Variants in LIN28B observed in about 807,000 individuals in gnomAD.
LIN28B encodes the protein lin-28 RNA binding posttranscriptional regulator B, also known as protein lin-28 homolog B.
LIN28B carries 5 observed loss-of-function variants against 21.9 expected under a neutral mutation model. The ratio of observed to expected loss-of-function variants is 0.23; its 90% CI spans 0.12 to 0.48. The LOEUF (loss-of-function observed/expected upper bound fraction) is 0.48. LIN28B is among the 20% of genes least tolerant of loss of function. The pLI, the probability that LIN28B is intolerant of heterozygous loss-of-function variation, is 0.98. For missense variants in LIN28B, 245 were observed against 310.5 expected, an observed-to-expected ratio of 0.79 and a Z score of 1.58; for synonymous variants, 109 against 111.3, an observed-to-expected ratio of 0.98 and a Z score of 0.13.
rs1225701516 is a variant in LIN28B, at chr6:105,045,885, TGTG to T, written c.383+19404_383+19406del. Among the ~76,000 whole-genome samples the T allele has an allele frequency of 4.4e-3, 673 of 152,352 alleles. 25 individuals are homozygous for T. The highest frequency in any genetic ancestry group is 0.04 in the Admixed American group (605 of 15,300). Reference sequence around the variant, plus strand: ...GACTCTCCAAGTGATCAGTATGTAATGTGCTATCTAATAACACCTTTTTGAAAA... The same window carrying T: ...GACTCTCCAAGTGATCAGTATGTAATCTATCTAATAACACCTTTTTGAAAA... On this transcript the variant is annotated intron_variant, in intron 3 of 3. Transcript: ENST00000345080.
intron 2 of LIN28B, among the ~76,000 whole-genome samples, chr6:104,983,832 T>C (rs904057888): frequency 5.3e-5 from 8 of 152,198 alleles, no homozygotes; most frequent in Non-Finnish European, 1.2e-4. Flanking sequence ...CACCTCAGCC[T>C]CCCAAAGTGC....
chr6:104,971,605 A>G (rs1338050500), intron 2 of LIN28B, among the ~76,000 whole-genome samples: 2 of 152,188 alleles, frequency 1.3e-5, no homozygotes, highest in African/African-American at 4.8e-5. Context: ...ACAGTGGGTT[A>G]TCAACCTTTC....
At chr6:105,050,107 T>C (rs1484533433) in intron 3 of LIN28B, among the ~76,000 whole-genome samples, 1 of 152,218 alleles carries the variant, frequency 6.6e-6, no homozygotes, top group Non-Finnish European at 1.5e-5. Flanking sequence ...GAATGGTCTT[T>C]ACAATTTGGC....
intron 3 of LIN28B, among the ~76,000 whole-genome samples, chr6:105,036,305 G>A (rs1006746638): frequency 5.9e-5 from 9 of 152,064 alleles, no homozygotes; most frequent in African/African-American, 2.2e-4. Context: ...CTAAACTATT[G>A]CATCCAAATT....
chr6:104,998,120 A>G (rs955326729), intron 2 of LIN28B, among the ~76,000 whole-genome samples: 1 of 152,216 alleles, frequency 6.6e-6, no homozygotes, highest in African/African-American at 2.4e-5. Context: ...CAAACCATAC[A>G]ATAACAGAAT....
chr6:105,036,969 G>C (rs1771534263), intron 3 of LIN28B, among the ~76,000 whole-genome samples: 1 of 152,034 alleles, frequency 6.6e-6, no homozygotes, highest in Non-Finnish European at 1.5e-5. Context: ...TAAGTATGTA[G>C]ATGTTTAAAT....
At chr6:105,063,585 G>A (rs990130088) in intron 3 of LIN28B, among the ~76,000 whole-genome samples, 21 of 145,824 alleles carry the variant, frequency 1.4e-4, no homozygotes, top group East Asian at 2.2e-4. Context: ...GCAGTGAGCC[G>A]AGATTGCGCC....
intron 2 of LIN28B, chr6:104,950,405 A>G (rs1778207401): frequency 4.4e-6 from 4 of 918,046 alleles, no homozygotes; most frequent in Non-Finnish European, 4.3e-6. Context: ...TAGGATGAAG[A>G]AGAGGCAATT....
intron 2 of LIN28B, among the ~76,000 whole-genome samples, chr6:104,961,567 A>T (rs1582865911): frequency 2.0e-5 from 3 of 151,722 alleles, no homozygotes; most frequent in African/African-American, 7.3e-5. Flanking sequence ...CGCCTAGCTA[A>T]TTTTTTGTAT....
At chr6:104,961,128 A>G (rs1334444819) in intron 2 of LIN28B, among the ~76,000 whole-genome samples, 1 of 152,152 alleles carries the variant, frequency 6.6e-6, no homozygotes, top group Non-Finnish European at 1.5e-5. Flanking sequence ...TGATGTGAAA[A>G]TATATATTCT....
intron 2 of LIN28B, chr6:104,941,106 A>G (rs1173723800): frequency 6.6e-6 from 1 of 152,210 alleles, no homozygotes; most frequent in East Asian, 2.0e-4. Context: ...CTGGCACGTG[A>G]GCAACGTCGA....
chr6:104,998,951 A>C (rs1388753415), intron 2 of LIN28B, among the ~76,000 whole-genome samples: 1 of 152,224 alleles, frequency 6.6e-6, no homozygotes, highest in African/African-American at 2.4e-5. Context: ...TTGCAAAGTA[A>C]GAAAATGATT....
At chr6:104,963,945 C>A (rs1460716189) in intron 2 of LIN28B, among the ~76,000 whole-genome samples, 3 of 152,150 alleles carry the variant, frequency 2.0e-5, no homozygotes, top group Non-Finnish European at 2.9e-5. Flanking sequence ...TTTAACTTAT[C>A]TTAGAGTTCT....
intron 2 of LIN28B, among the ~76,000 whole-genome samples, chr6:104,979,894 G>C (rs1322249772): frequency 6.6e-6 from 1 of 152,124 alleles, no homozygotes; most frequent in Non-Finnish European, 1.5e-5. Context: ...TCATTAGTCT[G>C]AACATGTAAG....
chr6:105,004,462 G>C (rs1057185189), intron 2 of LIN28B, among the ~76,000 whole-genome samples: 22 of 151,970 alleles, frequency 1.4e-4, no homozygotes, highest in African/African-American at 5.3e-4. Flanking sequence ...TCATACTTCT[G>C]TATCTTTTTT....
At chr6:104,937,997 T>G (rs543478301) in intron 2 of LIN28B, among the ~76,000 whole-genome samples, 1 of 134,486 alleles carries the variant, frequency 7.4e-6, no homozygotes, top group South Asian at 2.2e-4. Context: ...AAGGATATCT[T>G]GCCACCAGAA....
chr6:105,010,491 T>G (rs773840978), intron 2 of LIN28B, among the ~76,000 whole-genome samples: 27 of 152,200 alleles, frequency 1.8e-4, no homozygotes, highest in Non-Finnish European at 3.4e-4. Context: ...TTTTTTCTAA[T>G]ATTTTTAAAA....
chr6:104,973,439 C>T (rs1383701565), intron 2 of LIN28B, among the ~76,000 whole-genome samples: 1 of 152,012 alleles, frequency 6.6e-6, no homozygotes, highest in Non-Finnish European at 1.5e-5. Flanking sequence ...AAATTATTCC[C>T]TGCCCTATCA....
chr6:105,052,902 A>G (rs1771936232), intron 3 of LIN28B, among the ~76,000 whole-genome samples: 2 of 151,760 alleles, frequency 1.3e-5, no homozygotes, highest in East Asian at 3.9e-4. Context: ...TTGATTACTT[A>G]ATTTACTTTA....
Sources: gnomAD v4.1 joint callset for allele counts (sites outside exome capture counted in the v4.1 genomes callset) on GRCh38, gnomAD v4.1.1 for gene constraint, MANE v1.5 for transcripts, NCBI Gene and HGNC (gene_info 2026-07-23, HGNC 2026-07-21) for gene names.